RPH3AL: variants seen among roughly 807,000 people sequenced by gnomAD.
RPH3AL encodes the protein rabphilin 3A like (without C2 domains), also known as rab effector Noc2.
Under a neutral mutation model 43.1 loss-of-function variants are expected in RPH3AL, and 38 were observed. The ratio of observed to expected loss-of-function variants is 0.88; its 90% CI spans 0.68 to 1.15. RPH3AL has a LOEUF of 1.15. Among genes scored for constraint, RPH3AL ranks in the 50% most tolerant of loss-of-function variants. RPH3AL has a pLI of 0.00. For synonymous variants in RPH3AL, 189 were observed against 176.3 expected (o/e 1.07, Z -0.57); for missense variants, 462 against 423.2 (o/e 1.09, Z -0.81).
In RPH3AL at chr17:274,235, C is replaced by G. The variant is rs1284069484; in HGVS notation, c.438+7533G>C. On this transcript the variant is annotated intron_variant, in intron 6 of 9. Transcript: ENST00000331302. This position sits in a 1 kb window ranked among gnomAD's most constrained non-coding sequence, Gnocchi z 4.7. ...GGAAAAGGCACCGCGAAACCCCAGCCCGGGGCCTCTGACAGCTCAGCACCA... is the reference window on the plus strand; with the variant it reads ...GGAAAAGGCACCGCGAAACCCCAGCGCGGGGCCTCTGACAGCTCAGCACCA... Among the ~76,000 whole-genome samples, 1 of 152,256 alleles carries G rather than the reference C, an allele frequency of 6.6e-6. No individual in the cohort carries two copies. Among genetic ancestry groups the G allele is most frequent in the Non-Finnish European group, 1.5e-5 (1 of 68,042 alleles).
Position 343,186 on chromosome 17 carries a change from C to T in RPH3AL, c.-212-9252G>A, listed in dbSNP as rs553368553. ...TGTTCCTGCTCCCCACAGGTGTCCA[C>T]AGGCGACACACCAGGTGACATGGCT... On this transcript the variant is annotated intron_variant, in intron 1 of 9. Coordinates refer to ENST00000331302, the MANE Select transcript of RPH3AL (RefSeq NM_006987.4). 7.0e-4 allele frequency among the ~76,000 whole-genome samples: 106 copies of T among 152,334 alleles called. 1 individual carries two copies. The highest frequency in any genetic ancestry group is 3.4e-3 in the Middle Eastern group (1 of 294).
rs1324872248 is a variant in RPH3AL, at chr17:328,475, G to T, written c.-36-896C>A. The stretch of plus-strand genomic sequence containing the variant: ...CCTTTACACTCTTAAAAAAGATCCA[G>T]GTTCGAAATCCGTTTGACACTTCCT... On this transcript the variant is annotated intron_variant, in intron 2 of 9. Coordinates refer to ENST00000331302, the MANE Select transcript of RPH3AL (RefSeq NM_006987.4). This position sits in a 1 kb window ranked among gnomAD's most constrained non-coding sequence, Gnocchi z 4.2. Among the ~76,000 whole-genome samples the T allele has an allele frequency of 6.6e-6, 1 of 151,840 alleles. No individual in the cohort carries two copies. The highest frequency in any genetic ancestry group is 1.9e-4 in the East Asian group (1 of 5,182).
rs796421236 is a variant in RPH3AL at position 215,307 on chromosome 17, G to A, written c.876+347C>T. Among the ~76,000 whole-genome samples, 3 of 152,222 alleles carry A rather than the reference G, an allele frequency of 2.0e-5. No homozygotes were observed. The highest frequency in any genetic ancestry group is 7.2e-5 in the African/African-American group (3 of 41,528). On this transcript the variant is annotated intron_variant, in intron 9 of 9. Coordinates refer to ENST00000331302, the MANE Select transcript of RPH3AL (RefSeq NM_006987.4). This position sits in a 1 kb window ranked among gnomAD's most constrained non-coding sequence, Gnocchi z 4.1. Reference sequence around the variant, plus strand: ...CCCCTCACTCTCTCTCTGTGCCTTGGTTTCTACACCCATCAAATGGGACAA... The same window carrying A: ...CCCCTCACTCTCTCTCTGTGCCTTGATTTCTACACCCATCAAATGGGACAA...
At chr17:236,680 C>T (rs954549989) in intron 7 of RPH3AL, among the ~76,000 whole-genome samples, 6 of 152,248 alleles carry the variant, frequency 3.9e-5, no homozygotes, top group Admixed American at 2.6e-4. Context: ...CGCCAGCCTT[C>T]GTCTCCCGCC....
intron 6 of RPH3AL, among the ~76,000 whole-genome samples, chr17:280,604 C>T (rs2042756963): frequency 6.6e-6 from 1 of 152,196 alleles, no homozygotes; most frequent in South Asian, 2.1e-4. Flanking sequence ...AGGATGAGCG[C>T]ACAAACCAAA....
rs570929695 is a variant in RPH3AL, at chr17:322,694, G to A, written c.78-1279C>T. Among the ~76,000 whole-genome samples the A allele has an allele frequency of 2.1e-4, 32 of 152,216 alleles. No individual in the cohort carries two copies. Among genetic ancestry groups the A allele is most frequent in the Admixed American group, 1.3e-3 (20 of 15,304 alleles). ...CCTAGGGCAGCAGGCTGAGGGAGGC[G>A]GACCCTTTCCTGGGGGCCCCCTGAC... is the stretch of plus-strand genomic sequence containing the variant. On this transcript the variant is annotated intron_variant, in intron 3 of 9. Coordinates refer to ENST00000331302, the MANE Select transcript of RPH3AL (RefSeq NM_006987.4). This position sits in a 1 kb window ranked among gnomAD's most constrained non-coding sequence, Gnocchi z 4.0.
At chr17:337,064 T>A (rs2044976774) in intron 1 of RPH3AL, among the ~76,000 whole-genome samples, 1 of 152,174 alleles carries the variant, frequency 6.6e-6, no homozygotes. Flanking sequence ...AGGGGACTAA[T>A]TTAACCGTCA....
intron 7 of RPH3AL, among the ~76,000 whole-genome samples, chr17:237,554 C>G (rs781186560): frequency 2.0e-5 from 3 of 152,206 alleles, no homozygotes; most frequent in Non-Finnish European, 2.9e-5. Flanking sequence ...CTGCCTGTGT[C>G]CCAGCCTGGG....
chr17:276,931 A>T (rs1475997798), intron 6 of RPH3AL, among the ~76,000 whole-genome samples: 2 of 152,208 alleles, frequency 1.3e-5, no homozygotes, highest in Non-Finnish European at 2.9e-5. Flanking sequence ...AAAGGCAAAA[A>T]TTCTCAGAGA....
chr17:301,169 G>A (rs925448611), intron 5 of RPH3AL, among the ~76,000 whole-genome samples: 4 of 152,276 alleles, frequency 2.6e-5, no homozygotes, highest in African/African-American at 9.6e-5. Flanking sequence ...CCCCAGCATC[G>A]TGGGCACGTA....
chr17:216,883 C>T (rs1441537988), intron 8 of RPH3AL, among the ~76,000 whole-genome samples: 4 of 152,146 alleles, frequency 2.6e-5, no homozygotes, highest in Non-Finnish European at 1.5e-5. Flanking sequence ...GGTGGTGGTA[C>T]GTGTGTCAGG....
chr17:243,093 TTTCCTCTACTGATTACC>T (rs2041616339), intron 7 of RPH3AL, among the ~76,000 whole-genome samples: 1 of 134,136 alleles, frequency 7.5e-6, no homozygotes, highest in East Asian at 2.3e-4. Flanking sequence ...ATTGATTACC[TTTCCTCTACTGATTACC>T]TTCCTCTACT....
intron 6 of RPH3AL, among the ~76,000 whole-genome samples, chr17:266,111 C>T (rs1555547881): frequency 6.6e-6 from 1 of 152,206 alleles, no homozygotes; most frequent in Non-Finnish European, 1.5e-5. Flanking sequence ...TAACTCATTC[C>T]TAATTGAGGT....
chr17:269,108 G>A (rs1421575669), intron 6 of RPH3AL, among the ~76,000 whole-genome samples: 2 of 152,118 alleles, frequency 1.3e-5, no homozygotes, highest in Non-Finnish European at 2.9e-5. Flanking sequence ...TCGATCTCCT[G>A]ACCTCATAAT....
intron 5 of RPH3AL, among the ~76,000 whole-genome samples, chr17:305,468 C>T (rs949838472): frequency 9.9e-5 from 15 of 152,112 alleles, no homozygotes; most frequent in Admixed American, 7.9e-4. Flanking sequence ...CCCTGACGTC[C>T]CACCAGGCAG....
At chr17:298,548 A>AG (rs1253708958) in intron 5 of RPH3AL, among the ~76,000 whole-genome samples, 1 of 151,428 alleles carries the variant, frequency 6.6e-6, no homozygotes, top group African/African-American at 2.4e-5. Flanking sequence ...AATACAAAAA[A>AG]AAAAAAATTA....
At chr17:331,795 A>G (rs948917254) in intron 2 of RPH3AL, 2 of 1,289,042 alleles carry the variant, frequency 1.6e-6, no homozygotes, top group African/African-American at 3.0e-5. Flanking sequence ...CTTCTCTCTT[A>G]AAAGCAGGGT....
chr17:259,097 G>A (rs1055908700), intron 6 of RPH3AL, among the ~76,000 whole-genome samples: 6 of 152,124 alleles, frequency 3.9e-5, no homozygotes, highest in Non-Finnish European at 7.4e-5. Context: ...TGAGTTCATT[G>A]TAACGGGGCC....
In RPH3AL at chr17:274,134, G is replaced by A. The variant is rs1430844730; in HGVS notation, c.438+7634C>T. On this transcript the variant is annotated intron_variant, in intron 6 of 9. Coordinates refer to ENST00000331302, the MANE Select transcript of RPH3AL (RefSeq NM_006987.4). The surrounding 1 kb of genome is among the most constrained non-coding windows in gnomAD (Gnocchi z 4.7). Reference sequence around the variant, plus strand: ...AAACAGTAAATGAAATGAATTTCTGGTTTGCAACATCCTGTGCTTAGAAGC... The same window carrying A: ...AAACAGTAAATGAAATGAATTTCTGATTTGCAACATCCTGTGCTTAGAAGC... Among the ~76,000 whole-genome samples the A allele has an allele frequency of 6.6e-6, 1 of 152,228 alleles. No individual in the cohort carries two copies. The highest frequency in any genetic ancestry group is 2.4e-5 in the African/African-American group (1 of 41,454).
Sources: gnomAD v4.1 joint callset for allele counts (sites outside exome capture counted in the v4.1 genomes callset) on GRCh38, gnomAD v4.1.1 for gene constraint, Gnocchi (gnomAD v3.1) non-coding constraint, MANE v1.5 for transcripts, NCBI Gene and HGNC (gene_info 2026-07-23, HGNC 2026-07-21) for gene names.